Variants in IFT80 observed in about 807,000 individuals in gnomAD.
The protein encoded by IFT80 is intraflagellar transport protein 80 homolog.
IFT80 carries 79 observed loss-of-function variants against 107.9 expected under a neutral mutation model. The observed-to-expected ratio is 0.73, with a 90% CI of 0.61 to 0.88. The LOEUF (loss-of-function observed/expected upper bound fraction) is 0.88. Ranked by LOEUF, IFT80 falls within the 40% of genes least tolerant of loss-of-function variation. The probability of loss-of-function intolerance (pLI) is 0.00; values close to 1 mark genes in which losing one functional copy is unlikely to be tolerated. For synonymous variants in IFT80, 299 were observed against 300.9 expected (o/e 0.99, Z 0.07); for missense variants, 797 against 914.2 (o/e 0.87, Z 1.65).
chr3:160,316,695 C>T lies in IFT80; in HGVS notation c.957+3065G>A, dbSNP rs1381687316. Among the ~76,000 whole-genome samples the T allele has an allele frequency of 3.3e-5, 5 of 152,198 alleles. No homozygotes were observed. In the East Asian group the frequency reaches 9.7e-4, roughly 29 times the overall value. ...AGTGACTGGCTAGATGGGATTGACTCATTTTCCCCTGCCTCTCCCTGACTA... is the reference window on the plus strand; with the variant it reads ...AGTGACTGGCTAGATGGGATTGACTTATTTTCCCCTGCCTCTCCCTGACTA... On this transcript the variant is annotated intron_variant, in intron 9 of 19. Transcript: ENST00000326448.
chr3:160,289,004 A>G (rs1228586269), intron 12 of IFT80, among the ~76,000 whole-genome samples: 1 of 152,226 alleles, frequency 6.6e-6, no homozygotes, highest in African/African-American at 2.4e-5. Flanking sequence ...AGACACATGC[A>G]TGCGAATGTT....
In IFT80 at chr3:160,280,776, T is replaced by G; in HGVS notation, c.1555A>C (p.Asn519His). 1 of 1,613,338 alleles carries G rather than the reference T, an allele frequency of 6.2e-7. No individual in the cohort carries two copies. Among genetic ancestry groups the G allele is most frequent in the Non-Finnish European group, 8.5e-7 (1 of 1,179,480 alleles). Residue 519 changes from asparagine (N) to histidine (H), a missense_variant, in exon 15 of 20, where the codon AAT (asparagine) becomes CAT (histidine). Asn to His is a moderately conservative substitution (Grantham distance 68). Coordinates refer to ENST00000326448, the MANE Select transcript of IFT80 (RefSeq NM_020800.3). The part of the protein sequence containing the change: ...VHTLAWNDTC[N>H]ILCGLQDTRF... ...GTATCTTGAAGTCCACAAAGGATAT[T>G]GCATGTATCGTTCCATGCCAAAGTA...
At chr3:160,366,724 T>C (rs943500222) in intron 5 of IFT80, among the ~76,000 whole-genome samples, 39 of 152,052 alleles carry the variant, frequency 2.6e-4, no homozygotes, top group African/African-American at 9.2e-4. Context: ...ATGGGGCACA[T>C]GAGATCTTTT....
chr3:160,342,106 AGG>A (rs1418667906), intron 8 of IFT80, among the ~76,000 whole-genome samples: 9 of 152,178 alleles, frequency 5.9e-5, no homozygotes, highest in Admixed American at 1.3e-4. Flanking sequence ...TACTTATAAG[AGG>A]AAGCAAGCAG....
At chr3:160,274,934 G>T (rs1169219250) in intron 18 of IFT80, among the ~76,000 whole-genome samples, 1 of 152,114 alleles carries the variant, frequency 6.6e-6, no homozygotes, top group Non-Finnish European at 1.5e-5. Flanking sequence ...AAACCAAAAT[G>T]ATATATGCAA....
intron 8 of IFT80, among the ~76,000 whole-genome samples, chr3:160,338,426 A>C (rs1719648287): frequency 1.3e-5 from 2 of 152,144 alleles, no homozygotes; most frequent in Admixed American, 1.3e-4. Flanking sequence ...TGCATCTAGG[A>C]GTTCAAGACC....
At position 160,258,320 on chromosome 3, in the gene IFT80, T is replaced by C. The variant is rs1054103799; in HGVS notation, c.*205A>G. The stretch of plus-strand genomic sequence containing the variant: ...AAGTACATAGTAATATTTTGCTAAT[T>C]ATTGGACTAAAAAATATAAAAGATA... On this transcript the variant is annotated 3_prime_UTR_variant, in exon 20 of 20. Transcript: ENST00000326448. 1.8e-4 allele frequency: 117 copies of C among 662,262 alleles called. No individual in the cohort carries two copies. The highest frequency in any genetic ancestry group is 2.2e-4 in the Non-Finnish European group (89 of 397,206). The allele number at this position is 662,262 out of a possible 1,614,324, so 41.0% of individuals were successfully genotyped here. A position where few individuals can be genotyped will look rare whatever the true frequency, so the allele number is the denominator to read the frequency against.
chr3:160,261,407 A>G (rs1712817998), intron 19 of IFT80, among the ~76,000 whole-genome samples: 1 of 151,126 alleles, frequency 6.6e-6, no homozygotes, highest in African/African-American at 2.4e-5. Flanking sequence ...GAGAGATAAT[A>G]AACAAAGATA....
intron 9 of IFT80, among the ~76,000 whole-genome samples, chr3:160,310,042 G>A (rs1422317646): frequency 5.3e-5 from 8 of 150,358 alleles, no homozygotes; most frequent in African/African-American, 9.8e-5. Flanking sequence ...AAGTAAAAAC[G>A]AAAAAAAAAT....
At chr3:160,300,206 T>C (rs1476826362) in intron 12 of IFT80, among the ~76,000 whole-genome samples, 1 of 152,120 alleles carries the variant, frequency 6.6e-6, no homozygotes, top group Non-Finnish European at 1.5e-5. Flanking sequence ...TTATTAAATT[T>C]TAATTTTTAT....
chr3:160,371,578 G>A (rs551175240), intron 5 of IFT80, among the ~76,000 whole-genome samples: 1 of 152,220 alleles, frequency 6.6e-6, no homozygotes, highest in East Asian at 1.9e-4. Context: ...GAGTAGCTGG[G>A]ACTACAGGGA....
At chr3:160,304,663 C>T (rs1716707169) in intron 10 of IFT80, among the ~76,000 whole-genome samples, 1 of 152,008 alleles carries the variant, frequency 6.6e-6, no homozygotes, top group Admixed American at 6.6e-5. Flanking sequence ...TCTAGATCTC[C>T]TGACCTCATG....
At chr3:160,264,696 T>C (rs1168522814) in intron 19 of IFT80, among the ~76,000 whole-genome samples, 1 of 150,782 alleles carries the variant, frequency 6.6e-6, no homozygotes, top group Non-Finnish European at 1.5e-5. Context: ...CATCTCAGCC[T>C]CCCAAAGTGC....
chr3:160,347,340 C>T (rs1436906792), intron 8 of IFT80, among the ~76,000 whole-genome samples: 2 of 151,978 alleles, frequency 1.3e-5, no homozygotes, highest in African/African-American at 4.8e-5. Flanking sequence ...GATCTCAAAG[C>T]TCAGAAAAAA....
intron 12 of IFT80, among the ~76,000 whole-genome samples, chr3:160,288,083 G>A (rs1049841105): frequency 3.3e-5 from 5 of 152,190 alleles, no homozygotes; most frequent in Non-Finnish European, 2.9e-5. Flanking sequence ...AGTGGCTCAC[G>A]CCTGTAATCC....
chr3:160,296,300 T>A (rs1715978932), intron 12 of IFT80, among the ~76,000 whole-genome samples: 1 of 152,184 alleles, frequency 6.6e-6, no homozygotes, highest in African/African-American at 2.4e-5. Flanking sequence ...AAACTTCTGG[T>A]AACTTTTGAT....
chr3:160,394,155 T>C (rs1713598690), intron 1 of IFT80: 1 of 152,294 alleles, frequency 6.6e-6, no homozygotes, highest in South Asian at 2.1e-4. Flanking sequence ...AGGCTCACCA[T>C]TTCCAGGCAC....
intron 15 of IFT80, among the ~76,000 whole-genome samples, chr3:160,280,328 G>A (rs1173444581): frequency 6.6e-6 from 1 of 152,072 alleles, no homozygotes; most frequent in Non-Finnish European, 1.5e-5. Context: ...GACAGCGTTG[G>A]GTAGTTGTCA....
At chr3:160,368,048 T>G (rs914921213) in intron 5 of IFT80, among the ~76,000 whole-genome samples, 3 of 151,956 alleles carry the variant, frequency 2.0e-5, no homozygotes, top group African/African-American at 7.2e-5. Context: ...TAATTGACTT[T>G]CTGTGAATCA....
Sources: allele counts gnomAD v4.1 joint callset (sites outside exome capture counted in the v4.1 genomes callset), GRCh38; gene constraint gnomAD v4.1.1; transcripts MANE v1.5; gene names NCBI Gene and HGNC (gene_info 2026-07-23, HGNC 2026-07-21).